Variants in LRCH3 observed in about 807,000 individuals in gnomAD.
LRCH3 encodes leucine rich repeats and calponin homology domain containing 3.
LRCH3 carries 68 observed loss-of-function variants against 104.5 expected under a neutral mutation model. That is an observed-to-expected ratio of 0.65 (90% CI 0.54 to 0.80). The LOEUF is 0.80. LRCH3 is among the 30% of genes least tolerant of loss of function. The pLI is 0.00. For missense variants in LRCH3, 951 were observed against 953.9 expected, an observed-to-expected ratio of 1.00 and a Z score of 0.04; for synonymous variants, 344 against 361.3, an observed-to-expected ratio of 0.95 and a Z score of 0.54.
Position 197,883,729 on chromosome 3 carries a change from C to A in LRCH3, c.*63C>A. 6.8e-7 allele frequency: 1 copy of A among 1,476,940 alleles called. No homozygotes were observed. Among genetic ancestry groups the A allele is most frequent in the Non-Finnish European group, 9.0e-7 (1 of 1,111,398 alleles). The allele number at this position is 1,476,940 out of a possible 1,614,324, so 91.5% of individuals were successfully genotyped here. A position where few individuals can be genotyped will look rare whatever the true frequency, so the allele number is the denominator to read the frequency against. On this transcript the variant is annotated 3_prime_UTR_variant, in exon 21 of 21. Coordinates refer to ENST00000425562, the MANE Select transcript of LRCH3 (RefSeq NM_001365715.1). This position sits in a 1 kb window ranked among gnomAD's most constrained non-coding sequence, Gnocchi z 4.2. ...AAGGAACAGGACACCGTGATTGCTG[C>A]TGCCAGCTGTCTGCTTAAACAAAGC...
In LRCH3 at chr3:197,883,076, AGT is replaced by A; in HGVS notation, c.2209-464_2209-463del. The A allele has an allele frequency of 1.0e-6, 1 of 986,056 alleles. No individual in the cohort carries two copies. Among genetic ancestry groups the A allele is most frequent in the Non-Finnish European group, 1.2e-6 (1 of 830,414 alleles). The allele number at this position is 986,056 out of a possible 1,614,324, so 61.1% of individuals were successfully genotyped here. On this transcript the variant is annotated intron_variant, in intron 20 of 20. Transcript: ENST00000425562. The surrounding 1 kb of genome is among the most constrained non-coding windows in gnomAD (Gnocchi z 4.2). Reference sequence around the variant, plus strand: ...GATAGCGTAGAACTCATGCAGGCTGAGTTATGTTTTCAAACTATCTTTCATTC... The same window carrying A: ...GATAGCGTAGAACTCATGCAGGCTGATATGTTTTCAAACTATCTTTCATTC...
intron 20 of LRCH3, chr3:197,880,361 GT>G (rs1388942685): frequency 7.6e-6 from 5 of 660,432 alleles, no homozygotes; most frequent in Non-Finnish European, 1.3e-5. Flanking sequence ...GGTTTTCAGC[GT>G]TTTATTTTTG....
At chr3:197,808,143 A>G (rs1732707370) in intron 1 of LRCH3, among the ~76,000 whole-genome samples, 1 of 152,198 alleles carries the variant, frequency 6.6e-6, no homozygotes, top group African/African-American at 2.4e-5. Flanking sequence ...TTCAGATGGC[A>G]TCATTTGGCT....
At chr3:197,812,427 T>C (rs1443490384) in intron 1 of LRCH3, among the ~76,000 whole-genome samples, 1 of 151,964 alleles carries the variant, frequency 6.6e-6, no homozygotes, top group Non-Finnish European at 1.5e-5. Context: ...ATTTGGTTTG[T>C]TTCCATCTTT....
chr3:197,814,396 A>G (rs1560533179), intron 1 of LRCH3, among the ~76,000 whole-genome samples: 1 of 152,228 alleles, frequency 6.6e-6, no homozygotes, highest in Non-Finnish European at 1.5e-5. Flanking sequence ...GGGGAATACA[A>G]TTCACGTTGA....
chr3:197,800,193 A>ACT (rs149488237), intron 1 of LRCH3, among the ~76,000 whole-genome samples: 7,336 of 151,918 alleles, frequency 0.048, 329 homozygotes, highest in African/African-American at 0.12. Context: ...ACAGAGTGAG[A>ACT]CTGTCTCAAA....
intron 12 of LRCH3, among the ~76,000 whole-genome samples, chr3:197,852,080 A>G (rs1268286501): frequency 6.6e-6 from 1 of 152,248 alleles, no homozygotes; most frequent in Admixed American, 6.5e-5. Flanking sequence ...ACAGTAGAGC[A>G]CGTTGTAAAG....
At chr3:197,879,565 G>C (rs534855489) in intron 20 of LRCH3, among the ~76,000 whole-genome samples, 2 of 151,910 alleles carry the variant, frequency 1.3e-5, no homozygotes, top group East Asian at 3.9e-4. Context: ...AGAATGGCGG[G>C]AACCCGGGAG....
intron 4 of LRCH3, among the ~76,000 whole-genome samples, chr3:197,825,118 C>A (rs1303229278): frequency 6.6e-6 from 1 of 152,126 alleles, no homozygotes; most frequent in Non-Finnish European, 1.5e-5. Flanking sequence ...TTTTCACTTT[C>A]CACTTTCAGT....
chr3:197,815,296 G>A (rs1209536946), intron 2 of LRCH3, among the ~76,000 whole-genome samples: 1 of 152,100 alleles, frequency 6.6e-6, no homozygotes, highest in Non-Finnish European at 1.5e-5. Flanking sequence ...ACCCATCTAA[G>A]TTGAAAATGC....
chr3:197,873,648 C>T (rs1020977535), intron 19 of LRCH3, among the ~76,000 whole-genome samples: 22 of 152,034 alleles, frequency 1.4e-4, no homozygotes, highest in Admixed American at 2.6e-4. Flanking sequence ...TCACTTGGGC[C>T]CAGGAGTTTG....
chr3:197,814,798 T>C (rs1025616036), intron 1 of LRCH3, 110 bp from the exon 2 acceptor site: 7 of 898,300 alleles, frequency 7.8e-6, no homozygotes, highest in Non-Finnish European at 9.7e-6. Context: ...GAAGCTGTTT[T>C]ACTTTTAAAG....
chr3:197,827,995 T>G (rs1432944180), intron 5 of LRCH3, among the ~76,000 whole-genome samples: 1 of 149,712 alleles, frequency 6.7e-6, no homozygotes, highest in Non-Finnish European at 1.5e-5. Context: ...GAAAATCACT[T>G]GAACCCAGGA....
intron 10 of LRCH3, 49 bp downstream of exon 10, chr3:197,839,446 G>A: frequency 8.1e-7 from 1 of 1,238,130 alleles, no homozygotes; most frequent in Non-Finnish European, 1.1e-6. Context: ...AATCATGAGA[G>A]CATAAAGTAA....
intron 1 of LRCH3, among the ~76,000 whole-genome samples, chr3:197,812,843 C>T (rs1217626528): frequency 6.6e-6 from 1 of 152,112 alleles, no homozygotes; most frequent in Non-Finnish European, 1.5e-5. Flanking sequence ...ATTACAGGCG[C>T]AGGCCACCAC....
rs140641054 is a variant in LRCH3 at position 197,852,567 on chromosome 3, G to C, written c.1537G>C (p.Ala513Pro). The change falls in exon 13 of 21, where the codon GCA (alanine) becomes CCA (proline). Residue 513 changes from alanine (A) to proline (P), a missense_variant. Physicochemically the swap from Ala to Pro is conservative, Grantham distance 27. Coordinates refer to ENST00000425562, the MANE Select transcript of LRCH3 (RefSeq NM_001365715.1). ...DAVLDFVKQK[A>P]SQSPQKQHPL... ...GGGTTTTGGGATTATACAGCAAAAA[G>C]CATCACAAAGTCCACAAAAACAGCA... The C allele has an allele frequency of 2.5e-6, 4 of 1,613,868 alleles. No individual in the cohort carries two copies. In the African/African-American group the frequency reaches 5.3e-5, roughly 22 times the overall value.
chr3:197,850,333 CTT>C, intron 12 of LRCH3: 1 of 768,528 alleles, frequency 1.3e-6, no homozygotes, highest in East Asian at 2.7e-5. Context: ...TCCCAACTCT[CTT>C]TAGGTACCAT....
At chr3:197,869,955 G>T (rs991543943) in intron 17 of LRCH3, among the ~76,000 whole-genome samples, 6 of 150,918 alleles carry the variant, frequency 4.0e-5, no homozygotes, top group African/African-American at 1.5e-4. Context: ...CACTGTACCC[G>T]CAGGAGGTAG....
At chr3:197,830,583 G>A (rs1181556642) in intron 6 of LRCH3, 187 bp from the exon 7 acceptor site, 10 of 536,730 alleles carry the variant, frequency 1.9e-5, no homozygotes, top group Non-Finnish European at 3.0e-5. Flanking sequence ...GAGTACATGA[G>A]GTCTCATGCT....
Sources: allele counts gnomAD v4.1 joint callset (sites outside exome capture counted in the v4.1 genomes callset), GRCh38; gene constraint gnomAD v4.1.1; non-coding constraint Gnocchi (gnomAD v3.1); transcripts MANE v1.5; gene names NCBI Gene and HGNC (gene_info 2026-07-23, HGNC 2026-07-21).